Variants in ARHGEF2 observed in about 807,000 individuals in gnomAD.
The protein encoded by ARHGEF2 is rho guanine nucleotide exchange factor 2.
In ARHGEF2, 22 loss-of-function variants were observed where a neutral mutation model predicts 121.0. The ratio of observed to expected loss-of-function variants is 0.18; its 90% CI spans 0.13 to 0.26. The LOEUF (loss-of-function observed/expected upper bound fraction) is 0.26, where lower values mean the gene tolerates loss of function less well. Among genes scored for constraint, ARHGEF2 ranks in the 10% least tolerant of loss-of-function variants. The pLI is 1.00. For synonymous variants in ARHGEF2, 487 were observed against 530.0 expected (o/e 0.92, Z 1.11); for missense variants, 907 against 1,336.0 (o/e 0.68, Z 5.01).
At chr1:155,977,871 G>C (rs1012032205) in intron 1 of ARHGEF2, among the ~76,000 whole-genome samples, 2 of 152,182 alleles carry the variant, frequency 1.3e-5, no homozygotes, top group Non-Finnish European at 2.9e-5. Context: ...GGAGGAAGCC[G>C]GGAAACCACC....
At chr1:155,959,255 T>C (rs1483287392) in intron 11 of ARHGEF2, among the ~76,000 whole-genome samples, 1 of 152,168 alleles carries the variant, frequency 6.6e-6, no homozygotes, top group Non-Finnish European at 1.5e-5. Context: ...TTGATTCTAT[T>C]ATTATTTTTT....
chr1:155,959,004 G>A (rs989074625), intron 11 of ARHGEF2, among the ~76,000 whole-genome samples: 1 of 152,048 alleles, frequency 6.6e-6, no homozygotes, highest in African/African-American at 2.4e-5. Context: ...ATCACTCAGT[G>A]TCTACAGAAA....
chr1:155,964,185 T>TGTATAC lies in ARHGEF2; in HGVS notation c.724+802_724+803insGTATAC, dbSNP rs1260046367. On this transcript the variant is annotated intron_variant, in intron 7 of 21. Transcript: ENST00000361247. Reference sequence around the variant, plus strand: ...AAAAAAAAATATATATATATATATATATATATATATATACATATATATATA... The same window carrying TGTATAC: ...AAAAAAAAATATATATATATATATATGTATACATATATATATATACATATATATATA... 3.6e-4 allele frequency among the ~76,000 whole-genome samples: 45 copies of TGTATAC among 124,956 alleles called. 2 individuals carry two copies. Among genetic ancestry groups the TGTATAC allele is most frequent in the Middle Eastern group, 3.9e-3 (1 of 254 alleles). The allele number at this position is 124,956 out of a possible 152,430, so 82.0% of individuals were successfully genotyped here.
chr1:155,958,859 A>G (rs1448031445), intron 11 of ARHGEF2, among the ~76,000 whole-genome samples: 2 of 136,684 alleles, frequency 1.5e-5, no homozygotes, highest in African/African-American at 5.5e-5. Flanking sequence ...GATTACAGAT[A>G]TGAGCCACCG....
chr1:155,955,465 T>C lies in ARHGEF2; in HGVS notation c.1716-496A>G, dbSNP rs115828685. On this transcript the variant is annotated intron_variant, in intron 13 of 21. Transcript: ENST00000361247. Reference sequence around the variant, plus strand: ...CTGATTATCTGCGTTTACTGAGATATATCTCTCCAAAGGTCGCTTGGAAAG... The same window carrying C: ...CTGATTATCTGCGTTTACTGAGATACATCTCTCCAAAGGTCGCTTGGAAAG... Among the ~76,000 whole-genome samples the C allele has an allele frequency of 8.0e-3, 1,221 of 152,176 alleles. 15 individuals are homozygous for C. The highest frequency in any genetic ancestry group is 0.028 in the African/African-American group (1,166 of 41,512).
chr1:155,965,107 A>T lies in ARHGEF2; in HGVS notation c.605T>A (p.Met202Lys). Residue 202 changes from methionine to lysine, a missense_variant, in exon 7 of 22, where the codon ATG becomes AAG. Coordinates refer to ENST00000361247, the MANE Select transcript of ARHGEF2 (RefSeq NM_001162383.2). The surrounding 1 kb of genome is among the most constrained non-coding windows in gnomAD (Gnocchi z 6.0). ...DEAEVIYSEL[M>K]SDFEMDEKDF... is the part of the protein sequence containing the mutation. ...CTTCTCATCCATCTCAAAGTCACTCATCAGCTCACTGTAGATTACCTCTGC... is the reference window on the plus strand; with the variant it reads ...CTTCTCATCCATCTCAAAGTCACTCTTCAGCTCACTGTAGATTACCTCTGC... 1 of 1,614,090 alleles carries T rather than the reference A, an allele frequency of 6.2e-7. No homozygotes were observed. Among genetic ancestry groups the T allele is most frequent in the East Asian group, 2.2e-5 (1 of 44,878 alleles).
intron 1 of ARHGEF2, chr1:155,969,604 C>A: frequency 8.2e-7 from 1 of 1,226,572 alleles, no homozygotes; most frequent in East Asian, 4.1e-5. Flanking sequence ...CGTCCTCACT[C>A]CACCTTCCCA....
rs747307265 is a variant in ARHGEF2 at position 155,961,714 on chromosome 1, T to A, written c.1415A>T (p.Lys472Ile). Residue 472 changes from lysine to isoleucine, a missense_variant, in exon 11 of 22, where the codon AAA becomes ATA. Lys to Ile is a moderately radical substitution (Grantham distance 102). Coordinates refer to ENST00000361247, the MANE Select transcript of ARHGEF2 (RefSeq NM_001162383.2). This position sits in a 1 kb window ranked among gnomAD's most constrained non-coding sequence, Gnocchi z 4.7. ...PFGREELLRR[K>I]LIHDGCLLWK... ...GAGCAGGCAGCCATCGTGGATGAGT[T>A]TGCGCCTCAGAAGTTCCTCTCGGCC... is the stretch of plus-strand genomic sequence containing the variant. 5 of 1,614,122 alleles carry A rather than the reference T, an allele frequency of 3.1e-6. No homozygotes were observed. Among genetic ancestry groups the A allele is most frequent in the South Asian group, 1.1e-5 (1 of 91,088 alleles).
chr1:155,963,675 A>AT (rs55733137), intron 7 of ARHGEF2, among the ~76,000 whole-genome samples: 3 of 143,832 alleles, frequency 2.1e-5, no homozygotes, highest in African/African-American at 8.0e-5. Flanking sequence ...TTTTATTATT[A>AT]TTTTTTTTTT....
chr1:155,957,156 T>C (rs1676862938), intron 13 of ARHGEF2, among the ~76,000 whole-genome samples: 1 of 152,204 alleles, frequency 6.6e-6, no homozygotes, highest in Admixed American at 6.5e-5. Context: ...CTTTATTTGA[T>C]GTTTTTTCCC....
In ARHGEF2 at chr1:155,951,883, C is replaced by T. The variant is rs568714994; in HGVS notation, c.2172+36G>A. On this transcript the variant is annotated intron_variant, in intron 17 of 21. Coordinates refer to ENST00000361247, the MANE Select transcript of ARHGEF2 (RefSeq NM_001162383.2). This position sits in a 1 kb window ranked among gnomAD's most constrained non-coding sequence, Gnocchi z 5.1. ...CAGAGGCTGGCTGTCCCTCTCCCACCCTCTTGCCAAGTCCCAGAACCTCTT... is the reference window on the plus strand; with the variant it reads ...CAGAGGCTGGCTGTCCCTCTCCCACTCTCTTGCCAAGTCCCAGAACCTCTT... The T allele has an allele frequency of 5.0e-6, 8 of 1,613,468 alleles. No homozygotes were observed. The African/African-American group carries it at 9.3e-5, about 19-fold the overall frequency.
At chr1:155,969,726 C>T in intron 1 of ARHGEF2, 1 of 1,000,644 alleles carries the variant, frequency 1.0e-6, no homozygotes, top group Non-Finnish European at 1.2e-6. Context: ...CTCACCAGCG[C>T]TTTCCAATCT....
intron 11 of ARHGEF2, among the ~76,000 whole-genome samples, chr1:155,960,403 A>G (rs1413230945): frequency 1.3e-5 from 2 of 151,594 alleles, no homozygotes; most frequent in African/African-American, 2.4e-5. Flanking sequence ...CAGGAGTTTG[A>G]GTTACAGTGA....
At chr1:155,971,028 C>A (rs1680354238) in intron 1 of ARHGEF2, 2 of 986,770 alleles carry the variant, frequency 2.0e-6, no homozygotes, top group Non-Finnish European at 2.4e-6. Flanking sequence ...CTCTGCCTTC[C>A]CTTTCTCAGC....
chr1:155,953,971 C>T (rs541162605), intron 14 of ARHGEF2, among the ~76,000 whole-genome samples: 5 of 151,920 alleles, frequency 3.3e-5, no homozygotes, highest in South Asian at 4.2e-4. Context: ...AATATTCTAC[C>T]TTGTTGGGGT....
At chr1:155,970,778 AG>A in intron 1 of ARHGEF2, 2 of 985,826 alleles carry the variant, frequency 2.0e-6, no homozygotes, top group Non-Finnish European at 2.4e-6. Flanking sequence ...TCAACAGTGC[AG>A]GGACAGAGGG....
Position 155,978,167 on chromosome 1 carries a change from G to A in ARHGEF2, c.63+198C>T. On this transcript the variant is annotated intron_variant, in intron 1 of 21. Transcript: ENST00000361247. This position sits in a 1 kb window ranked among gnomAD's most constrained non-coding sequence, Gnocchi z 4.1. Reference sequence around the variant, plus strand: ...CGCTCCCTCCCGGGATCCCAGCACCGTCGCGTCTGCCGCTCCCCCCACCCC... The same window carrying A: ...CGCTCCCTCCCGGGATCCCAGCACCATCGCGTCTGCCGCTCCCCCCACCCC... The A allele has an allele frequency of 3.1e-6, 4 of 1,296,948 alleles. No individual in the cohort carries two copies. Among genetic ancestry groups the A allele is most frequent in the South Asian group, 1.9e-5 (1 of 51,628 alleles). 80.3% of individuals were successfully genotyped at this position (1,296,948 alleles called of 1,614,324 possible).
chr1:155,952,808 G>C lies in ARHGEF2; in HGVS notation c.1804C>G (p.Arg602Gly). The change falls in exon 15 of 22, where the codon CGG becomes GGG. Residue 602 changes from arginine to glycine, a missense_variant. By Grantham distance (125) the Arg-to-Gly change is moderately radical (BLOSUM62 -2). Transcript: ENST00000361247. ...RIKMELQQKDRALVELLREKV... is the reference protein window; with the variant it reads ...RIKMELQQKDGALVELLREKV... ...TCTCGCAGCAGCTCCACCAGTGCCC[G>C]GTCCTTCTGCTGCAACTCCACTGCA... 1 of 1,614,184 alleles carries C rather than the reference G, an allele frequency of 6.2e-7. No homozygotes were observed. Among genetic ancestry groups the C allele is most frequent in the South Asian group, 1.1e-5 (1 of 91,082 alleles).
Position 155,950,268 on chromosome 1 carries a change from C to T in ARHGEF2, c.2887+31G>A. ...TGGCCTGTACCCAGGCTGCACTCTA[C>T]CTCTGGTCCATGTCTCCGCCAGGGT... On this transcript the variant is annotated intron_variant, in intron 21 of 21. Coordinates refer to ENST00000361247, the MANE Select transcript of ARHGEF2 (RefSeq NM_001162383.2). This position sits in a 1 kb window ranked among gnomAD's most constrained non-coding sequence, Gnocchi z 5.2. 4 of 1,607,926 alleles carry T rather than the reference C, an allele frequency of 2.5e-6. No homozygotes were observed. Among genetic ancestry groups the T allele is most frequent in the African/African-American group, 2.7e-5 (2 of 74,998 alleles).
Sources: gnomAD v4.1 joint callset for allele counts (sites outside exome capture counted in the v4.1 genomes callset) on GRCh38, gnomAD v4.1.1 for gene constraint, Gnocchi (gnomAD v3.1) non-coding constraint, MANE v1.5 for transcripts, NCBI Gene and HGNC (gene_info 2026-07-23, HGNC 2026-07-21) for gene names.